Variants in LMBR1 observed in about 807,000 individuals in gnomAD.
LMBR1 encodes the protein limb region 1 protein homolog.
LMBR1 carries 52 observed loss-of-function variants against 73.9 expected under a neutral mutation model. The observed-to-expected ratio is 0.70, with a 90% CI of 0.56 to 0.89. The LOEUF (loss-of-function observed/expected upper bound fraction) is 0.89. Ranked by LOEUF, LMBR1 falls within the 40% of genes least tolerant of loss-of-function variation. The pLI is 0.00. For missense variants in LMBR1, 539 were observed against 579.8 expected (o/e 0.93, Z 0.72); for synonymous variants, 215 against 209.4 (o/e 1.03, Z -0.23).
rs191991909 is a variant in LMBR1 at position 156,705,642 on chromosome 7, T to C, written c.1226-17451A>G. ...ATACATGAAGGAGAGATAAAGTCTTTTGCAGACAAGCAATGCTGAAAGAAT... is the reference window on the plus strand; with the variant it reads ...ATACATGAAGGAGAGATAAAGTCTTCTGCAGACAAGCAATGCTGAAAGAAT... On this transcript the variant is annotated intron_variant, in intron 15 of 16. Transcript: ENST00000353442. 1.4e-4 allele frequency among the ~76,000 whole-genome samples: 22 copies of C among 152,336 alleles called. No individual in the cohort carries two copies. The East Asian group carries it at 2.3e-3, about 16-fold the overall frequency.
chr7:156,868,930 A>G (rs1798870572), intron 1 of LMBR1, among the ~76,000 whole-genome samples: 1 of 152,188 alleles, frequency 6.6e-6, no homozygotes, highest in Admixed American at 6.5e-5. Flanking sequence ...GCACCACTGC[A>G]CTCCAGCCTG....
intron 15 of LMBR1, among the ~76,000 whole-genome samples, chr7:156,714,277 T>A (rs1051562639): frequency 6.6e-6 from 1 of 152,208 alleles, no homozygotes; most frequent in Non-Finnish European, 1.5e-5. Flanking sequence ...CTGCACCAAG[T>A]GTTATATGAG....
intron 1 of LMBR1, among the ~76,000 whole-genome samples, chr7:156,863,971 G>A (rs753501264): frequency 6.6e-6 from 1 of 151,910 alleles, no homozygotes; most frequent in East Asian, 1.9e-4. Context: ...CCAACACGGT[G>A]AAACCTCATC....
intron 4 of LMBR1, among the ~76,000 whole-genome samples, chr7:156,824,193 AT>A (rs1394451675): frequency 1.3e-5 from 2 of 152,096 alleles, no homozygotes; most frequent in Non-Finnish European, 2.9e-5. Context: ...ACATTTTAGT[AT>A]TTTCTATATT....
intron 4 of LMBR1, among the ~76,000 whole-genome samples, chr7:156,821,977 G>A (rs191359227): frequency 6.3e-4 from 96 of 152,242 alleles, no homozygotes; most frequent in Admixed American, 1.8e-3. Context: ...AAACACACAC[G>A]AACATGTTTA....
chr7:156,711,826 C>A (rs1373793809), intron 15 of LMBR1, among the ~76,000 whole-genome samples: 1 of 152,146 alleles, frequency 6.6e-6, no homozygotes, highest in Non-Finnish European at 1.5e-5. Flanking sequence ...GGACCCCTAT[C>A]TCTCGCCATA....
intron 15 of LMBR1, among the ~76,000 whole-genome samples, chr7:156,721,034 T>C (rs1283219328): frequency 2.0e-5 from 3 of 152,098 alleles, no homozygotes; most frequent in African/African-American, 2.4e-5. Flanking sequence ...TCCTGTAAGA[T>C]AATAGACTAT....
At position 156,755,010 on chromosome 7, in the gene LMBR1, A is replaced by G. The variant is rs564273907; in HGVS notation, c.757+1383T>C. On this transcript the variant is annotated intron_variant, in intron 9 of 16. Transcript: ENST00000353442. ...AGTTTCACTGAAAAGATTTTAGACA[A>G]TCTACCAAACGGATGATAAACAGTG... Among the ~76,000 whole-genome samples, 5 of 152,348 alleles carry G rather than the reference A, an allele frequency of 3.3e-5. 1 individual carries two copies. Among genetic ancestry groups the G allele is most frequent in the Admixed American group, 2.6e-4 (4 of 15,302 alleles).
rs182107923 is a variant in LMBR1, at chr7:156,764,268, G to A, written c.424-473C>T. ...AGCCTCCGGAGCCCTCTACTGTGCC[G>A]CTGAAGAACTGTCCATTGTAATCCA... On this transcript the variant is annotated intron_variant, in intron 5 of 16. Transcript: ENST00000353442. Among the ~76,000 whole-genome samples, 29 of 152,140 alleles carry A rather than the reference G, an allele frequency of 1.9e-4. 1 individual carries two copies. The highest frequency in any genetic ancestry group is 1.7e-3 in the Admixed American group (26 of 15,264).
At chr7:156,827,840 C>G (rs1345408144) in intron 3 of LMBR1, among the ~76,000 whole-genome samples, 2 of 152,138 alleles carry the variant, frequency 1.3e-5, no homozygotes, top group Non-Finnish European at 2.9e-5. Context: ...AACCAGGAAA[C>G]CTCCTTGGTT....
chr7:156,763,124 T>C lies in LMBR1; in HGVS notation c.603A>G (p.Gly201=). 1 of 1,396,222 alleles carries C rather than the reference T, an allele frequency of 7.2e-7. No individual in the cohort carries two copies. The highest frequency in any genetic ancestry group is 1.0e-6 in the Non-Finnish European group (1 of 1,000,722). The allele number at this position is 1,396,222 out of a possible 1,614,324, so 86.5% of individuals were successfully genotyped here. A position where few individuals can be genotyped will look rare whatever the true frequency, so the allele number is the denominator to read the frequency against. Reference sequence around the variant, plus strand: ...AATACTTACAGAGAAGTAACAAACATCCCATCAATGATATACAGGAATATA... The same window carrying C: ...AATACTTACAGAGAAGTAACAAACACCCCATCAATGATATACAGGAATATA... ...PYLYSCISLM[G]CLLLLLCTPV... is the part of the protein sequence containing the mutation. Residue 201 remains glycine, a synonymous_variant, in exon 7 of 17, where the codon GGA becomes GGG. Transcript: ENST00000353442.
rs1804348161 is a variant in LMBR1 at position 156,677,826 on chromosome 7, A to T, written c.*6252T>A. On this transcript the variant is annotated 3_prime_UTR_variant, in exon 17 of 17. Transcript: ENST00000353442. ...ATGTATACTATCAAAAAATTTGCAG[A>T]CTAATTTGGAGAATGCTTTAAACAA... 6.6e-6 allele frequency: 1 copy of T among 152,344 alleles called. No homozygotes were observed. Among genetic ancestry groups the T allele is most frequent in the East Asian group, 1.9e-4 (1 of 5,186 alleles). The allele number at this position is 152,344 out of a possible 1,614,324, so 9.4% of individuals were successfully genotyped here.
Position 156,685,010 on chromosome 7 carries a change from T to G in LMBR1, c.1388-847A>C, listed in dbSNP as rs1024826549. Among the ~76,000 whole-genome samples, 1 of 151,740 alleles carries G rather than the reference T, an allele frequency of 6.6e-6. No individual in the cohort carries two copies. Among genetic ancestry groups the G allele is most frequent in the Non-Finnish European group, 1.5e-5 (1 of 67,912 alleles). On this transcript the variant is annotated intron_variant, in intron 16 of 16. Transcript: ENST00000353442. The surrounding 1 kb of genome is among the most constrained non-coding windows in gnomAD (Gnocchi z 4.1). ...TGCCCCTTACACACATGCAGGAAAA[T>G]GTAGGGAAAGCCACAGCCAAATATT...
chr7:156,715,172 G>C (rs1812948347), intron 15 of LMBR1, among the ~76,000 whole-genome samples: 1 of 151,940 alleles, frequency 6.6e-6, no homozygotes, highest in Admixed American at 6.6e-5. Context: ...GGCTGGTCTG[G>C]AACTACTGGC....
intron 15 of LMBR1, among the ~76,000 whole-genome samples, chr7:156,706,255 C>G (rs953755564): frequency 6.6e-6 from 1 of 150,952 alleles, no homozygotes; most frequent in African/African-American, 2.4e-5. Context: ...ATGCAGCCAA[C>G]AGCACCAAGA....
intron 9 of LMBR1, among the ~76,000 whole-genome samples, chr7:156,746,216 C>G (rs1370122395): frequency 6.6e-6 from 1 of 152,154 alleles, no homozygotes; most frequent in African/African-American, 2.4e-5. Context: ...AATTAATGCT[C>G]ATTTAACTTG....
intron 4 of LMBR1, among the ~76,000 whole-genome samples, chr7:156,804,159 T>G (rs112059520): frequency 6.6e-6 from 1 of 151,892 alleles, no homozygotes; most frequent in South Asian, 2.1e-4. Context: ...TAAAATAAAA[T>G]AAAAAAAAGA....
intron 4 of LMBR1, among the ~76,000 whole-genome samples, chr7:156,816,380 A>AT (rs1428432951): frequency 1.3e-5 from 2 of 152,060 alleles, no homozygotes; most frequent in Non-Finnish European, 2.9e-5. Context: ...TAACGTTTGT[A>AT]TTTTTAGTAG....
intron 1 of LMBR1, 122 bp from the exon 2 acceptor site, chr7:156,837,007 G>T: frequency 3.0e-6 from 2 of 666,898 alleles, no homozygotes; most frequent in South Asian, 2.1e-5. Context: ...TTAAAATGCT[G>T]GACATTTTAC....
Sources: gnomAD v4.1 joint callset for allele counts (sites outside exome capture counted in the v4.1 genomes callset) on GRCh38, gnomAD v4.1.1 for gene constraint, Gnocchi (gnomAD v3.1) non-coding constraint, MANE v1.5 for transcripts, NCBI Gene and HGNC (gene_info 2026-07-23, HGNC 2026-07-21) for gene names.